Variants in LIMD1 observed in about 807,000 individuals in gnomAD.
LIMD1 encodes the protein LIM domain containing 1.
LIMD1 carries 23 observed loss-of-function variants against 58.4 expected under a neutral mutation model. The ratio of observed to expected loss-of-function variants is 0.39; its 90% CI spans 0.28 to 0.56. The LOEUF (loss-of-function observed/expected upper bound fraction) is 0.56, where lower values mean the gene tolerates loss of function less well. Among genes scored for constraint, LIMD1 ranks in the 20% least tolerant of loss-of-function variants. LIMD1 has a pLI of 0.57. For synonymous variants in LIMD1, 334 were observed against 345.5 expected (o/e 0.97, Z 0.37); for missense variants, 838 against 855.5 (o/e 0.98, Z 0.25).
intron 2 of LIMD1, among the ~76,000 whole-genome samples, chr3:45,660,696 G>A (rs59154951): frequency 0.063 from 9,569 of 152,122 alleles, 950 homozygotes; most frequent in African/African-American, 0.22. Flanking sequence ...GATCACAGGC[G>A]TGAGCCACCG....
intron 1 of LIMD1, among the ~76,000 whole-genome samples, chr3:45,626,030 G>A (rs1559517730): frequency 6.6e-6 from 1 of 152,344 alleles, no homozygotes; most frequent in East Asian, 1.9e-4. Flanking sequence ...CAAAAGAGAG[G>A]TGGGAGAAAT....
At chr3:45,634,043 A>G (rs746476364) in intron 1 of LIMD1, among the ~76,000 whole-genome samples, 2 of 152,196 alleles carry the variant, frequency 1.3e-5, no homozygotes, top group Admixed American at 6.5e-5. Flanking sequence ...ATTGATATTT[A>G]TAAAATCTGT....
intron 1 of LIMD1, among the ~76,000 whole-genome samples, chr3:45,619,614 C>G (rs1178438010): frequency 6.6e-6 from 1 of 152,094 alleles, no homozygotes; most frequent in Non-Finnish European, 1.5e-5. Flanking sequence ...GCCTGGCCAA[C>G]ATGGTAAAAC....
At chr3:45,641,615 G>A (rs7648441) in intron 2 of LIMD1, among the ~76,000 whole-genome samples, 145,545 of 152,008 alleles carry the variant, frequency 0.96, 69,745 homozygotes, top group East Asian at 1. Context: ...ATTAAACCAT[G>A]GTATTTGGAT....
chr3:45,646,479 C>A (rs1001023265), intron 2 of LIMD1, among the ~76,000 whole-genome samples: 2 of 152,222 alleles, frequency 1.3e-5, no homozygotes, highest in African/African-American at 4.8e-5. Flanking sequence ...AGTCCTCTGG[C>A]CTCTCTCTGA....
intron 2 of LIMD1, among the ~76,000 whole-genome samples, chr3:45,638,048 C>A (rs1701806469): frequency 1.6e-5 from 1 of 61,774 alleles, no homozygotes; most frequent in Non-Finnish European, 3.1e-5. Context: ...TTGTCTATAG[C>A]AATGCAGACT....
chr3:45,632,405 A>C (rs974402973), intron 1 of LIMD1: 1 of 403,122 alleles, frequency 2.5e-6, no homozygotes, highest in African/African-American at 2.2e-5. Context: ...CATAGAACCC[A>C]TTTCTCTGTG....
At chr3:45,641,602 T>C (rs372026719) in intron 2 of LIMD1, among the ~76,000 whole-genome samples, 1 of 151,908 alleles carries the variant, frequency 6.6e-6, no homozygotes, top group Admixed American at 6.6e-5. Context: ...CCATTGATAC[T>C]GCATTAAACC....
rs1697405292 is a variant in LIMD1 at position 45,659,950 on chromosome 3, G to A, written c.1511-5700G>A. 2.0e-5 allele frequency among the ~76,000 whole-genome samples: 3 copies of A among 152,252 alleles called. No homozygotes were observed. The South Asian group carries it at 6.2e-4, about 32-fold the overall frequency. ...CTTAAAAAATCTTTGTTGATCTCCT[G>A]GATGAAAAAGCTTTCGTTTAATTTG... On this transcript the variant is annotated intron_variant, in intron 2 of 7. Coordinates refer to ENST00000273317, the MANE Select transcript of LIMD1 (RefSeq NM_014240.3).
chr3:45,621,818 A>C (rs1176875534), intron 1 of LIMD1, among the ~76,000 whole-genome samples: 1 of 152,128 alleles, frequency 6.6e-6, no homozygotes, highest in Admixed American at 6.6e-5. Flanking sequence ...TCATCCCAGC[A>C]CTTTGGGAGG....
chr3:45,605,837 G>A (rs1486982703), intron 1 of LIMD1, among the ~76,000 whole-genome samples: 6 of 152,172 alleles, frequency 3.9e-5, no homozygotes, highest in Non-Finnish European at 8.8e-5. Flanking sequence ...AGTCCTCTCC[G>A]TGGGCTCCTG....
At chr3:45,612,069 C>T (rs562809687) in intron 1 of LIMD1, among the ~76,000 whole-genome samples, 20 of 104,850 alleles carry the variant, frequency 1.9e-4, no homozygotes, top group Non-Finnish European at 3.8e-4. Flanking sequence ...TGCAGGTGCG[C>T]GCTCTCTCTC....
At chr3:45,605,892 T>C (rs924416867) in intron 1 of LIMD1, among the ~76,000 whole-genome samples, 22 of 152,184 alleles carry the variant, frequency 1.4e-4, no homozygotes, top group African/African-American at 4.6e-4. Context: ...TCATTTGTCA[T>C]AGGACAGTGG....
chr3:45,655,093 T>G (rs12493817), intron 2 of LIMD1, among the ~76,000 whole-genome samples: 5 of 151,940 alleles, frequency 3.3e-5, no homozygotes, highest in Admixed American at 3.3e-4. Flanking sequence ...CTAATTTTTG[T>G]ATTTTTAGTA....
At chr3:45,624,723 A>T (rs1383086557) in intron 1 of LIMD1, among the ~76,000 whole-genome samples, 28 of 151,916 alleles carry the variant, frequency 1.8e-4, no homozygotes, top group Admixed American at 1.8e-3. Context: ...ACTCCGCCTC[A>T]AAAACAAAAC....
intron 1 of LIMD1, among the ~76,000 whole-genome samples, chr3:45,630,534 AG>A (rs980645211): frequency 1.3e-5 from 2 of 152,164 alleles, no homozygotes; most frequent in African/African-American, 4.8e-5. Flanking sequence ...GTTGCCCCCC[AG>A]GGAGAGGCCT....
chr3:45,625,664 T>C (rs1701662970), intron 1 of LIMD1, among the ~76,000 whole-genome samples: 1 of 152,082 alleles, frequency 6.6e-6, no homozygotes, highest in African/African-American at 2.4e-5. Flanking sequence ...AATGGATTAA[T>C]AATGGTATAT....
At chr3:45,675,241 T>C (rs1283737983) in intron 7 of LIMD1, among the ~76,000 whole-genome samples, 2 of 152,042 alleles carry the variant, frequency 1.3e-5, no homozygotes, top group South Asian at 2.1e-4. Flanking sequence ...CCAAAAGAAA[T>C]ATAAGGGGCC....
chr3:45,611,512 TG>T (rs1401184772), intron 1 of LIMD1, among the ~76,000 whole-genome samples: 2 of 152,134 alleles, frequency 1.3e-5, no homozygotes, highest in African/African-American at 4.8e-5. Flanking sequence ...GGTAGAGAAG[TG>T]AACGATGGTG....
Sources: allele counts gnomAD v4.1 joint callset (sites outside exome capture counted in the v4.1 genomes callset), GRCh38; gene constraint gnomAD v4.1.1; transcripts MANE v1.5; gene names NCBI Gene and HGNC (gene_info 2026-07-23, HGNC 2026-07-21).